LRRC7: variants seen among roughly 807,000 people sequenced by gnomAD.
The protein encoded by LRRC7 is leucine rich repeat containing 7.
In LRRC7, 23 loss-of-function variants were observed where a neutral mutation model predicts 175.7. That is an observed-to-expected ratio of 0.13 (90% CI 0.09 to 0.19). The LOEUF (loss-of-function observed/expected upper bound fraction) is 0.19, where lower values mean the gene tolerates loss of function less well. Ranked by LOEUF, LRRC7 falls within the 10% of genes least tolerant of loss-of-function variation. The probability of loss-of-function intolerance (pLI) is 1.00; values close to 1 mark genes in which losing one functional copy is unlikely to be tolerated. For missense variants in LRRC7, 1,354 were observed against 1,904.7 expected, an observed-to-expected ratio of 0.71 and a Z score of 5.38; for synonymous variants, 685 against 680.9, an observed-to-expected ratio of 1.01 and a Z score of -0.09.
chr1:69,763,941 G>A (rs955368617), intron 3 of LRRC7, among the ~76,000 whole-genome samples: 4 of 151,922 alleles, frequency 2.6e-5, no homozygotes, highest in Non-Finnish European at 5.9e-5. Flanking sequence ...TGTACACAGA[G>A]AATATTATAA....
chr1:69,578,975 G>GA (rs908607327), intron 1 of LRRC7, among the ~76,000 whole-genome samples: 2 of 151,374 alleles, frequency 1.3e-5, no homozygotes, highest in African/African-American at 4.9e-5. Context: ...GAAATGCATG[G>GA]AAAAAAAAGT....
intron 8 of LRRC7, among the ~76,000 whole-genome samples, chr1:69,969,549 G>A (rs759704293): frequency 6.6e-6 from 1 of 152,022 alleles, no homozygotes. Context: ...ATTATATAAC[G>A]ATAAAAGGCC....
chr1:69,599,123 TTATCTCAGTTTTACAATAAAAAAA>T (rs1270773482), intron 1 of LRRC7, among the ~76,000 whole-genome samples: 3 of 149,822 alleles, frequency 2.0e-5, no homozygotes, highest in African/African-American at 7.4e-5. Context: ...GAGGTAGACA[TTATCTCAGTTTTACAATAAAAAAA>T]AAAGGGCCAG....
At chr1:69,658,572 C>T (rs770259943) in intron 1 of LRRC7, among the ~76,000 whole-genome samples, 9 of 151,564 alleles carry the variant, frequency 5.9e-5, no homozygotes, top group African/African-American at 2.2e-4. Flanking sequence ...GTCTTGGAGT[C>T]GGGAAATAAA....
chr1:69,867,251 T>C (rs1232076379), intron 7 of LRRC7, among the ~76,000 whole-genome samples: 1 of 152,210 alleles, frequency 6.6e-6, no homozygotes, highest in African/African-American at 2.4e-5. Context: ...TAGATTCTTC[T>C]ATCAAATTTC....
rs74877484 is a variant in LRRC7, at chr1:69,901,734, C to T, written c.648-29773C>T. ...CAGAGAACTTTATTAAAAAAAACTA[C>T]ATTGCTATTTCTAAAACATGCAAAA... On this transcript the variant is annotated intron_variant, in intron 7 of 26. Transcript: ENST00000651989. 8.4e-3 allele frequency among the ~76,000 whole-genome samples: 1,279 copies of T among 152,282 alleles called. 24 individuals carry two copies. The highest frequency in any genetic ancestry group is 0.029 in the African/African-American group (1,209 of 41,556).
At chr1:69,991,442 T>C (rs962480904) in intron 10 of LRRC7, among the ~76,000 whole-genome samples, 4 of 152,156 alleles carry the variant, frequency 2.6e-5, no homozygotes, top group Non-Finnish European at 4.4e-5. Context: ...TCTTTGGACC[T>C]TATTGACCTG....
chr1:69,853,382 G>A (rs575955690), intron 7 of LRRC7, among the ~76,000 whole-genome samples: 36 of 144,386 alleles, frequency 2.5e-4, no homozygotes, highest in East Asian at 6.6e-4. Flanking sequence ...GGGTTCAAGC[G>A]ATTCTCCTGC....
At chr1:70,071,047 C>T (rs1288164305) in intron 23 of LRRC7, among the ~76,000 whole-genome samples, 1 of 152,150 alleles carries the variant, frequency 6.6e-6, no homozygotes, top group Admixed American at 6.5e-5. Context: ...CAACACTTGG[C>T]TTTTGCTGGC....
Position 69,966,905 on chromosome 1 carries a change from C to T in LRRC7, c.712-13474C>T, listed in dbSNP as rs558148583. Reference sequence around the variant, plus strand: ...GGCAAAGTCCACATGGAGAAGGAAACCTCCAGTTGAACTTTGTAACAATTT... The same window carrying T: ...GGCAAAGTCCACATGGAGAAGGAAATCTCCAGTTGAACTTTGTAACAATTT... On this transcript the variant is annotated intron_variant, in intron 8 of 26. Transcript: ENST00000651989. Among the ~76,000 whole-genome samples the T allele has an allele frequency of 4.1e-4, 63 of 152,348 alleles. No individual in the cohort carries two copies. The Middle Eastern group carries it at 0.017, about 41-fold the overall frequency.
intron 2 of LRRC7, among the ~76,000 whole-genome samples, chr1:69,710,050 G>T (rs1347093786): frequency 1.3e-5 from 2 of 151,960 alleles, no homozygotes; most frequent in Non-Finnish European, 2.9e-5. Flanking sequence ...GGCCAAGGCA[G>T]GTGGATCATC....
chr1:69,964,162 G>A (rs12032804), intron 8 of LRRC7, among the ~76,000 whole-genome samples: 9,389 of 152,116 alleles, frequency 0.062, 283 homozygotes, highest in South Asian at 0.11. Context: ...GGGCACATTC[G>A]TTTGGTTTTT....
chr1:69,588,667 A>G (rs968523489), intron 1 of LRRC7, among the ~76,000 whole-genome samples: 5 of 152,148 alleles, frequency 3.3e-5, no homozygotes, highest in African/African-American at 4.8e-5. Flanking sequence ...AAAAATTATT[A>G]ATATCTATCT....
chr1:69,865,722 T>A (rs1455484559), intron 7 of LRRC7, among the ~76,000 whole-genome samples: 2 of 151,850 alleles, frequency 1.3e-5, no homozygotes, highest in African/African-American at 4.8e-5. Context: ...CCTCGTGATC[T>A]GCCCGCCTCA....
intron 4 of LRRC7, among the ~76,000 whole-genome samples, chr1:69,799,137 T>C (rs886382742): frequency 2.0e-5 from 3 of 148,716 alleles, no homozygotes; most frequent in Admixed American, 6.7e-5. Context: ...GGGCTACAAA[T>C]ATTGTCTCCC....
chr1:69,734,135 T>C lies in LRRC7; in HGVS notation c.101-26056T>C, dbSNP rs1667864523. ...CTTTTTTTGTTTTATATTAGTTTGT[T>C]TATCTTATTACTAAAGCAAAACACA... On this transcript the variant is annotated intron_variant, in intron 2 of 26. Transcript: ENST00000651989. 2.1e-5 allele frequency among the ~76,000 whole-genome samples: 3 copies of C among 145,240 alleles called. No individual in the cohort carries two copies. In the Admixed American group the frequency reaches 2.1e-4, roughly 10 times the overall value.
At chr1:69,838,168 A>G in intron 6 of LRRC7, 59 bp from the exon 7 acceptor site, 1 of 1,188,384 alleles carries the variant, frequency 8.4e-7, no homozygotes, top group Non-Finnish European at 1.3e-6. Context: ...ACTAGATCTT[A>G]TTCAATAATT....
At chr1:69,660,661 A>C (rs950411154) in intron 1 of LRRC7, among the ~76,000 whole-genome samples, 1 of 152,098 alleles carries the variant, frequency 6.6e-6, no homozygotes, top group Non-Finnish European at 1.5e-5. Flanking sequence ...AGACATTGCT[A>C]GTGTAAAGGC....
Position 70,142,873 on chromosome 1 carries a change from A to G in LRRC7, c.*20986A>G, listed in dbSNP as rs1466952507. Reference sequence around the variant, plus strand: ...AGATGGTTTGTTAAGAATTATATGTAAAAGGATACTAGATATTATGTTTTG... The same window carrying G: ...AGATGGTTTGTTAAGAATTATATGTGAAAGGATACTAGATATTATGTTTTG... On this transcript the variant is annotated 3_prime_UTR_variant, in exon 27 of 27. Coordinates refer to ENST00000651989, the MANE Select transcript of LRRC7 (RefSeq NM_001370785.2). The G allele has an allele frequency of 2.6e-5, 4 of 152,078 alleles. No individual in the cohort carries two copies. Among genetic ancestry groups the G allele is most frequent in the Non-Finnish European group, 5.9e-5 (4 of 67,964 alleles). 9.4% of individuals were successfully genotyped at this position (152,078 alleles called of 1,614,324 possible).
Sources: gnomAD v4.1 joint callset for allele counts (sites outside exome capture counted in the v4.1 genomes callset) on GRCh38, gnomAD v4.1.1 for gene constraint, MANE v1.5 for transcripts, NCBI Gene and HGNC (gene_info 2026-07-23, HGNC 2026-07-21) for gene names.